AP4E1: variants seen among roughly 807,000 people sequenced by gnomAD.
AP4E1 encodes the protein adaptor related protein complex 4 subunit epsilon 1.
A neutral mutation model predicts 128.2 loss-of-function variants in AP4E1; 56 were observed. That is an observed-to-expected ratio of 0.44 (90% CI 0.35 to 0.55). AP4E1 has a LOEUF of 0.55. AP4E1 is among the 20% of genes least tolerant of loss of function. The probability of loss-of-function intolerance (pLI) is 0.00; values close to 1 mark genes in which losing one functional copy is unlikely to be tolerated. For missense variants in AP4E1, 1,324 were observed against 1,307.7 expected, an observed-to-expected ratio of 1.01 and a Z score of -0.19; for synonymous variants, 484 against 473.1, an observed-to-expected ratio of 1.02 and a Z score of -0.30.
intron 3 of AP4E1, among the ~76,000 whole-genome samples, chr15:50,917,287 A>G (rs2063641143): frequency 6.6e-6 from 1 of 152,232 alleles, no homozygotes; most frequent in African/African-American, 2.4e-5. Flanking sequence ...AAATGTTTAC[A>G]ATTCAATCAT....
chr15:50,998,854 T>C (rs2064918025), intron 18 of AP4E1, among the ~76,000 whole-genome samples: 1 of 152,242 alleles, frequency 6.6e-6, no homozygotes, highest in South Asian at 2.1e-4. Context: ...ATGCCATTTG[T>C]TAACATAATT....
intron 5 of AP4E1, among the ~76,000 whole-genome samples, chr15:50,927,781 G>A (rs1036215580): frequency 3.3e-5 from 5 of 152,002 alleles, no homozygotes. Flanking sequence ...TATAAAAGGA[G>A]TTCTTGAGTG....
chr15:50,974,482 G>A (rs897774520), intron 15 of AP4E1, among the ~76,000 whole-genome samples: 3 of 151,812 alleles, frequency 2.0e-5, no homozygotes, highest in African/African-American at 7.3e-5. Flanking sequence ...GCCCAGACTG[G>A]TCTCAAACTC....
intron 16 of AP4E1, among the ~76,000 whole-genome samples, chr15:50,986,480 C>G (rs1370537143): frequency 6.6e-6 from 1 of 152,084 alleles, no homozygotes; most frequent in South Asian, 2.1e-4. Flanking sequence ...GAGATACGTC[C>G]CATCAATACC....
chr15:50,938,138 T>C (rs1426149099), intron 8 of AP4E1, among the ~76,000 whole-genome samples: 1 of 151,934 alleles, frequency 6.6e-6, no homozygotes, highest in Non-Finnish European at 1.5e-5. Flanking sequence ...GTTAGAGACC[T>C]CAGGACACAA....
chr15:50,929,115 A>G lies in AP4E1; in HGVS notation c.649A>G (p.Arg217Gly). 1.9e-6 allele frequency: 3 copies of G among 1,613,932 alleles called. No homozygotes were observed. Among genetic ancestry groups the G allele is most frequent in the Non-Finnish European group, 2.5e-6 (3 of 1,179,894 alleles). Reference sequence around the variant, plus strand: ...TAAGTTTCGGAAAGCACTTTGTGACAGAGATGTTGGGGTCATGGCTGCCTC... The same window carrying G: ...TAAGTTTCGGAAAGCACTTTGTGACGGAGATGTTGGGGTCATGGCTGCCTC... ...HIKFRKALCDRDVGVMAASLH... is the reference protein window; with the variant it reads ...HIKFRKALCDGDVGVMAASLH... Residue 217 changes from arginine to glycine, a missense_variant, in exon 6 of 21, where the codon AGA becomes GGA. Transcript: ENST00000261842.
intron 10 of AP4E1, among the ~76,000 whole-genome samples, chr15:50,942,645 A>T (rs1404037650): frequency 6.8e-6 from 1 of 146,978 alleles, no homozygotes; most frequent in Non-Finnish European, 1.5e-5. Flanking sequence ...TTACTTATAT[A>T]TAATATTACT....
chr15:50,919,685 C>G (rs867252557), intron 3 of AP4E1, among the ~76,000 whole-genome samples: 23 of 152,042 alleles, frequency 1.5e-4, no homozygotes, highest in Middle Eastern at 3.4e-3. Flanking sequence ...GACTCATGAT[C>G]TTTAGGAAAA....
At chr15:50,912,969 T>G (rs2063582812) in intron 2 of AP4E1, among the ~76,000 whole-genome samples, 1 of 152,084 alleles carries the variant, frequency 6.6e-6, no homozygotes, top group Non-Finnish European at 1.5e-5. Context: ...GTGCCTGGCC[T>G]GATTTTTTTT....
chr15:50,969,614 C>A (rs541641537), intron 15 of AP4E1, among the ~76,000 whole-genome samples: 1 of 151,462 alleles, frequency 6.6e-6, no homozygotes, highest in Non-Finnish European at 1.5e-5. Flanking sequence ...TATCCATCAT[C>A]TCAAACATGT....
In AP4E1 at chr15:50,908,938, C is replaced by G. The variant is rs751457873; in HGVS notation, c.150+10C>G. On this transcript the variant is annotated intron_variant, in intron 1 of 20. Transcript: ENST00000261842. ...CCTCACCTCCAAGCACGTAGGTGCC[C>G]GCCGGCCCGGGAGCTCAGGGACATC... is the stretch of plus-strand genomic sequence containing the variant. 3.1e-6 allele frequency: 5 copies of G among 1,610,390 alleles called. No homozygotes were observed. Among genetic ancestry groups the G allele is most frequent in the African/African-American group, 1.3e-5 (1 of 74,894 alleles).
At chr15:50,954,185 A>G (rs2064186720) in intron 13 of AP4E1, among the ~76,000 whole-genome samples, 1 of 151,952 alleles carries the variant, frequency 6.6e-6, no homozygotes, top group Non-Finnish European at 1.5e-5. Flanking sequence ...AATTTTATCT[A>G]GTGTCATGAG....
At chr15:50,956,529 A>G (rs757013550) in intron 13 of AP4E1, among the ~76,000 whole-genome samples, 1 of 152,220 alleles carries the variant, frequency 6.6e-6, no homozygotes, top group Non-Finnish European at 1.5e-5. Flanking sequence ...ACAGTTCCAC[A>G]TGGCTGGGGA....
chr15:50,930,743 A>T (rs573602757), intron 6 of AP4E1, 62 bp from the exon 7 acceptor site: 1 of 1,521,360 alleles, frequency 6.6e-7, no homozygotes. Context: ...TGACATTTCA[A>T]TTAGGTCTAT....
intron 15 of AP4E1, among the ~76,000 whole-genome samples, chr15:50,969,901 T>C (rs1017807868): frequency 7.9e-5 from 12 of 152,108 alleles, no homozygotes; most frequent in East Asian, 1.9e-4. Flanking sequence ...CCTCGTGATC[T>C]GCCCGCCTTG....
At chr15:50,992,146 A>G (rs1221673715) in intron 16 of AP4E1, among the ~76,000 whole-genome samples, 1 of 152,088 alleles carries the variant, frequency 6.6e-6, no homozygotes, top group Non-Finnish European at 1.5e-5. Flanking sequence ...TTTCCAACAA[A>G]CCATGTACCC....
At chr15:50,939,157 T>C (rs1308212923) in intron 8 of AP4E1, among the ~76,000 whole-genome samples, 1 of 152,174 alleles carries the variant, frequency 6.6e-6, no homozygotes, top group Non-Finnish European at 1.5e-5. Flanking sequence ...CCAAGTTCCA[T>C]GTTGTATTTT....
In AP4E1 at chr15:50,999,136, A is replaced by G. The variant is rs767786324; in HGVS notation, c.2969A>G (p.Tyr990Cys). ...MEAESTKSFQ[Y>C]SVQIEKPFTE... ...GCAGAAAGCACCAAAAGCTTTCAAT[A>G]TAGTGTGCAGATAGAAAAACCTTTT... The change falls in exon 19 of 21, where the codon TAT (tyrosine) becomes TGT (cysteine). Residue 990 changes from tyrosine (Y) to cysteine (C), a missense_variant. Coordinates refer to ENST00000261842, the MANE Select transcript of AP4E1 (RefSeq NM_007347.5). 2.6e-5 allele frequency: 42 copies of G among 1,613,936 alleles called. No homozygotes were observed. The highest frequency in any genetic ancestry group is 1.6e-4 in the Middle Eastern group (1 of 6,078).
At position 50,934,070 on chromosome 15, in the gene AP4E1, TAC is replaced by T. The variant is rs144662265; in HGVS notation, c.870-553_870-552del. Among the ~76,000 whole-genome samples, 694 of 152,208 alleles carry T rather than the reference TAC, an allele frequency of 4.6e-3. 12 individuals are homozygous for T. The highest frequency in any genetic ancestry group is 0.024 in the Admixed American group (374 of 15,288). On this transcript the variant is annotated intron_variant, in intron 7 of 20. Transcript: ENST00000261842. The stretch of plus-strand genomic sequence containing the variant: ...GTATCTTCCTCATCACAGTTATTCT[TAC>T]TGTAATCAGTGACCATAATGACATA...
Sources: allele counts gnomAD v4.1 joint callset (sites outside exome capture counted in the v4.1 genomes callset), GRCh38; gene constraint gnomAD v4.1.1; transcripts MANE v1.5; gene names NCBI Gene and HGNC (gene_info 2026-07-23, HGNC 2026-07-21).